The following ALK variants were observed in gnomAD, a reference collection of about 807,000 sequenced individuals.
ALK encodes ALK receptor tyrosine kinase, also known as ALK tyrosine kinase receptor.
Under a neutral mutation model 163.1 loss-of-function variants are expected in ALK, and 74 were observed. That is an observed-to-expected ratio of 0.45 (90% confidence interval 0.38 to 0.55). The LOEUF is 0.55. Among genes scored for constraint, ALK ranks in the 20% least tolerant of loss-of-function variants. The pLI, the probability that ALK is intolerant of heterozygous loss-of-function variation, is 0.00. For synonymous variants in ALK, 960 were observed against 843.2 expected (o/e 1.14, Z -2.40); for missense variants, 2,063 against 2,105.3 (o/e 0.98, Z 0.39).
intron 1 of ALK, among the ~76,000 whole-genome samples, chr2:29,838,297 A>G (rs1267271960): frequency 6.6e-6 from 1 of 152,168 alleles, no homozygotes; most frequent in Admixed American, 6.5e-5. Context: ...GGTCAGAAAA[A>G]TTATTTTTGA....
chr2:29,571,602 C>CTTTTTTTTTTT (rs60429543), intron 3 of ALK, among the ~76,000 whole-genome samples: 106 of 68,518 alleles, frequency 1.5e-3, no homozygotes, highest in Non-Finnish European at 1.9e-3. Flanking sequence ...TGGCTCATAT[C>CTTTTTTTTTTT]TTTTTTTTTT....
At chr2:29,600,300 A>C (rs1167921313) in intron 3 of ALK, among the ~76,000 whole-genome samples, 1 of 152,216 alleles carries the variant, frequency 6.6e-6, no homozygotes, top group Non-Finnish European at 1.5e-5. Context: ...GGGGAAACAG[A>C]GCTGATAGAG....
Position 29,750,537 on chromosome 2 carries a change from C to T in ALK, c.668-32840G>A, listed in dbSNP as rs540523671. Among the ~76,000 whole-genome samples, 182 of 151,502 alleles carry T rather than the reference C, an allele frequency of 1.2e-3. 1 individual carries two copies. The highest frequency in any genetic ancestry group is 4.2e-3 in the African/African-American group (175 of 41,252). On this transcript the variant is annotated intron_variant, in intron 1 of 28. Transcript: ENST00000389048. ...AATTAGCTGGGCATGGTGGCATATG[C>T]CTGTAGTCCCAGCTACTTGGGAGGC... is the stretch of plus-strand genomic sequence containing the variant.
At chr2:29,744,762 T>G (rs1416693583) in intron 1 of ALK, among the ~76,000 whole-genome samples, 1 of 152,094 alleles carries the variant, frequency 6.6e-6, no homozygotes, top group African/African-American at 2.4e-5. Context: ...GTAAGAGGCC[T>G]TTCCATGTGG....
Position 29,229,016 on chromosome 2 carries a change from A to T in ALK, c.2683T>A (p.Ser895Thr). ...DNTSLLWAGK[S>T]LQEGATGGHS... ...CCTCCGGTGGCACCCTCCTGCAAAG[A>T]TTTTCCGGCCCAGAGCAAGGAAGTG... The change falls in exon 16 of 29, where the codon TCT (serine) becomes ACT (threonine). Residue 895 changes from serine (S) to threonine (T), a missense_variant. Physicochemically the swap from Ser to Thr is moderately conservative, Grantham distance 58. This residue lies in a region of ALK where 575 missense variants were observed against 626.6 expected (regional missense o/e 0.92). Coordinates refer to ENST00000389048, the MANE Select transcript of ALK (RefSeq NM_004304.5). The T allele has an allele frequency of 6.2e-7, 1 of 1,606,766 alleles. No homozygotes were observed. The highest frequency in any genetic ancestry group is 8.5e-7 in the Non-Finnish European group (1 of 1,177,358).
intron 1 of ALK, among the ~76,000 whole-genome samples, chr2:29,795,135 G>A (rs1664275142): frequency 6.6e-6 from 1 of 151,944 alleles, no homozygotes; most frequent in Non-Finnish European, 1.5e-5. Flanking sequence ...AAAACACTAA[G>A]ACAGGCAGGT....
intron 1 of ALK, among the ~76,000 whole-genome samples, chr2:29,808,371 C>A (rs529988147): frequency 6.6e-6 from 1 of 152,152 alleles, no homozygotes; most frequent in Admixed American, 6.5e-5. Context: ...AGAGAAGCCA[C>A]GTGACTTCTC....
rs561278614 is a variant in ALK, at chr2:29,920,558, C to G, written c.102G>C (p.Ala34=). The change falls in exon 1 of 29, where the codon GCG becomes GCC. Residue 34 remains alanine, a synonymous_variant. Transcript: ENST00000389048. ...GCTCCCGGGGCTGCAGCGGCGGCCCCGCAGCTGGGGAGCCCGCGCGCTGGC... is the reference window on the plus strand; with the variant it reads ...GCTCCCGGGGCTGCAGCGGCGGCCCGGCAGCTGGGGAGCCCGCGCGCTGGC... ...GTGQRAGSPA[A]GPPLQPREPL... is the part of the protein sequence containing the mutation. 1 of 1,601,372 alleles carries G rather than the reference C, an allele frequency of 6.2e-7. No individual in the cohort carries two copies. The highest frequency in any genetic ancestry group is 8.5e-7 in the Non-Finnish European group (1 of 1,176,426).
chr2:29,233,035 G>A (rs1324412542), intron 14 of ALK, among the ~76,000 whole-genome samples: 1 of 152,226 alleles, frequency 6.6e-6, no homozygotes, highest in Non-Finnish European at 1.5e-5. Context: ...CAAAGGCTGT[G>A]CATGGTGAAA....
At chr2:29,919,856 G>T in intron 1 of ALK, 137 bp downstream of exon 1, 1 of 1,109,338 alleles carries the variant, frequency 9.0e-7, no homozygotes, top group Non-Finnish European at 1.3e-6. Context: ...CGGGAAGGAG[G>T]TTTGCGGGAG....
intron 8 of ALK, among the ~76,000 whole-genome samples, chr2:29,303,798 C>T (rs920286200): frequency 7.9e-5 from 12 of 152,084 alleles, no homozygotes; most frequent in Admixed American, 2.6e-4. Flanking sequence ...AATCAAATAC[C>T]GTATGTGCTC....
intron 9 of ALK, among the ~76,000 whole-genome samples, chr2:29,290,403 G>A (rs1665989619): frequency 6.6e-6 from 1 of 152,242 alleles, no homozygotes; most frequent in African/African-American, 2.4e-5. Flanking sequence ...TTGTCCAGCA[G>A]AGGGTCAGTA....
In ALK at chr2:29,272,989, G is replaced by A. The variant is rs560810113; in HGVS notation, c.2041+2110C>T. The stretch of plus-strand genomic sequence containing the variant: ...GCAACTGTCCCTGGGCCTGTGTGAG[G>A]ACAAGCTGTTGTGTGAAATAACCTA... On this transcript the variant is annotated intron_variant, in intron 11 of 28. Coordinates refer to ENST00000389048, the MANE Select transcript of ALK (RefSeq NM_004304.5). 1.1e-3 allele frequency among the ~76,000 whole-genome samples: 174 copies of A among 152,344 alleles called. 1 individual carries two copies. Among genetic ancestry groups the A allele is most frequent in the Non-Finnish European group, 1.8e-3 (122 of 68,032 alleles).
At chr2:29,252,469 A>G (rs1243078088) in intron 11 of ALK, among the ~76,000 whole-genome samples, 1 of 152,232 alleles carries the variant, frequency 6.6e-6, no homozygotes, top group Non-Finnish European at 1.5e-5. Context: ...TGAAGACTGC[A>G]CTAATTTAAT....
At chr2:29,735,655 T>C (rs2148320783) in intron 1 of ALK, among the ~76,000 whole-genome samples, 1 of 151,954 alleles carries the variant, frequency 6.6e-6, no homozygotes, top group Middle Eastern at 3.4e-3. Flanking sequence ...CAGTGGGAGG[T>C]AATAGAATCA....
At position 29,688,176 on chromosome 2, in the gene ALK, G is replaced by A. The variant is rs147243086; in HGVS notation, c.952+6674C>T. On this transcript the variant is annotated intron_variant, in intron 3 of 28. Transcript: ENST00000389048. ...GGGAACACAGGGGCTAGAGCTGTCC[G>A]TGAGGCCTTACTGGTGAAGGAGTCC... 6.1e-3 allele frequency among the ~76,000 whole-genome samples: 925 copies of A among 152,328 alleles called. 5 individuals carry two copies. Among genetic ancestry groups the A allele is most frequent in the Non-Finnish European group, 7.5e-3 (508 of 68,032 alleles).
chr2:29,245,491 G>T (rs1285447969), intron 12 of ALK, among the ~76,000 whole-genome samples: 2 of 145,506 alleles, frequency 1.4e-5, no homozygotes, highest in Non-Finnish European at 3.0e-5. Context: ...CACAGTAGGG[G>T]CTTTATGACT....
chr2:29,875,631 G>A (rs1447914061), intron 1 of ALK, among the ~76,000 whole-genome samples: 1 of 152,052 alleles, frequency 6.6e-6, no homozygotes, highest in Non-Finnish European at 1.5e-5. Context: ...CTCCCACTGT[G>A]TCCATGTGTT....
chr2:29,231,574 G>T (rs1012316342), intron 15 of ALK, among the ~76,000 whole-genome samples: 2 of 151,500 alleles, frequency 1.3e-5, no homozygotes, highest in African/African-American at 4.9e-5. Flanking sequence ...TCCTCAGGGT[G>T]GACCCATGAC....
Sources: gnomAD v4.1 joint callset for allele counts (sites outside exome capture counted in the v4.1 genomes callset) on GRCh38, gnomAD v4.1.1 for gene constraint, gnomAD v4.1.1 regional missense constraint, MANE v1.5 for transcripts, NCBI Gene and HGNC (gene_info 2026-07-23, HGNC 2026-07-21) for gene names.